The following KIAA1328 variants were observed in gnomAD, a reference collection of about 807,000 sequenced individuals.
KIAA1328 encodes the protein KIAA1328, also known as protein hinderin.
A neutral mutation model predicts 68.1 loss-of-function variants in KIAA1328; 52 were observed. The observed-to-expected ratio is 0.76, with a 90% CI of 0.61 to 0.96. The LOEUF is 0.96. Ranked by LOEUF, KIAA1328 falls within the 40% of genes least tolerant of loss-of-function variation. The pLI, the probability that KIAA1328 is intolerant of heterozygous loss-of-function variation, is 0.00. For missense variants in KIAA1328, 641 were observed against 677.6 expected, an observed-to-expected ratio of 0.95 and a Z score of 0.60; for synonymous variants, 232 against 239.4, an observed-to-expected ratio of 0.97 and a Z score of 0.28.
At chr18:37,119,817 C>G (rs556024399) in intron 7 of KIAA1328, among the ~76,000 whole-genome samples, 1 of 152,216 alleles carries the variant, frequency 6.6e-6, no homozygotes, top group South Asian at 2.1e-4. Flanking sequence ...CTACCTTTGT[C>G]TGCTGAGAGG....
At chr18:37,037,076 G>A (rs182009780) in intron 6 of KIAA1328, among the ~76,000 whole-genome samples, 1 of 152,194 alleles carries the variant, frequency 6.6e-6, no homozygotes, top group East Asian at 1.9e-4. Context: ...ATTTTCTGTT[G>A]TCTTTAGTAA....
chr18:37,225,674 TAAGAC>T (rs1455710380), downstream of KIAA1328, among the ~76,000 whole-genome samples: 1 of 152,212 alleles, frequency 6.6e-6, no homozygotes, highest in African/African-American at 2.4e-5. Context: ...CACAGCACTT[TAAGAC>T]AAGAAAAATG....
intron 5 of KIAA1328, among the ~76,000 whole-genome samples, chr18:36,891,999 T>A (rs1468513622): frequency 6.6e-6 from 1 of 152,264 alleles, no homozygotes; most frequent in Non-Finnish European, 1.5e-5. Flanking sequence ...AAGATTTTTA[T>A]ATGATTATGT....
Position 37,043,501 on chromosome 18 carries a change from A to G in KIAA1328, c.577-23389A>G, listed in dbSNP as rs539007702. Among the ~76,000 whole-genome samples, 89 of 152,150 alleles carry G rather than the reference A, an allele frequency of 5.8e-4. 2 individuals are homozygous for G. Among genetic ancestry groups the G allele is most frequent in the Middle Eastern group, 3.4e-3 (1 of 294 alleles). Reference sequence around the variant, plus strand: ...ATATGTCCACTGATGTCACTACTCAACCTTTTTTTTCTCTTAAGCCTAGCT... The same window carrying G: ...ATATGTCCACTGATGTCACTACTCAGCCTTTTTTTTCTCTTAAGCCTAGCT... On this transcript the variant is annotated intron_variant, in intron 6 of 9. Transcript: ENST00000280020.
chr18:36,845,850 A>G (rs1292995568), intron 4 of KIAA1328, among the ~76,000 whole-genome samples: 1 of 151,668 alleles, frequency 6.6e-6, no homozygotes, highest in Non-Finnish European at 1.5e-5. Context: ...TAGAAAAACA[A>G]TGTCATTTTG....
At chr18:37,015,727 T>A (rs141789049) in intron 6 of KIAA1328, among the ~76,000 whole-genome samples, 28 of 152,314 alleles carry the variant, frequency 1.8e-4, no homozygotes, top group African/African-American at 6.7e-4. Context: ...CTTGGCTAGA[T>A]GTATTCCTAG....
intron 6 of KIAA1328, among the ~76,000 whole-genome samples, chr18:37,018,992 CA>C (rs1298653873): frequency 5.3e-5 from 8 of 152,150 alleles, no homozygotes; most frequent in Non-Finnish European, 1.0e-4. Flanking sequence ...GGTATCATTA[CA>C]TTCAAATTTT....
intron 7 of KIAA1328, among the ~76,000 whole-genome samples, chr18:37,080,592 C>T (rs756301703): frequency 5.3e-5 from 8 of 151,908 alleles, no homozygotes; most frequent in Non-Finnish European, 8.8e-5. Context: ...CTGGCTAACA[C>T]GGTGATACCC....
intron 7 of KIAA1328, among the ~76,000 whole-genome samples, chr18:37,117,333 G>A (rs2058139571): frequency 6.6e-6 from 1 of 152,198 alleles, no homozygotes; most frequent in Non-Finnish European, 1.5e-5. Flanking sequence ...ATGAGTTCAT[G>A]TCATTTGTGG....
chr18:37,001,433 T>C (rs536019580), intron 6 of KIAA1328, among the ~76,000 whole-genome samples: 1 of 152,256 alleles, frequency 6.6e-6, no homozygotes, highest in South Asian at 2.1e-4. Flanking sequence ...AGCCAAATTA[T>C]ACCAACCATA....
At chr18:37,186,989 C>T (rs982653472) in intron 9 of KIAA1328, among the ~76,000 whole-genome samples, 1 of 152,140 alleles carries the variant, frequency 6.6e-6, no homozygotes, top group Non-Finnish European at 1.5e-5. Flanking sequence ...CTCTGGCCAA[C>T]ATGGCAAAAC....
intron 9 of KIAA1328, among the ~76,000 whole-genome samples, chr18:37,200,197 A>G (rs1301916494): frequency 6.6e-6 from 1 of 152,246 alleles, no homozygotes; most frequent in African/African-American, 2.4e-5. Context: ...CACACCTCCA[A>G]GTTGCCTTGG....
At chr18:37,172,696 C>A (rs935732973) in intron 8 of KIAA1328, among the ~76,000 whole-genome samples, 4 of 152,126 alleles carry the variant, frequency 2.6e-5, no homozygotes, top group Non-Finnish European at 4.4e-5. Context: ...CACAGTAAAC[C>A]AAGATCAGCA....
chr18:37,224,461 C>T lies in KIAA1328; in HGVS notation c.*2234C>T. 1.0e-6 allele frequency: 1 copy of T among 985,394 alleles called. No individual in the cohort carries two copies. Among genetic ancestry groups the T allele is most frequent in the African/African-American group, 1.7e-5 (1 of 57,330 alleles). 61.0% of individuals were successfully genotyped at this position (985,394 alleles called of 1,614,324 possible). On this transcript the variant is annotated 3_prime_UTR_variant, in exon 10 of 10. Transcript: ENST00000280020. ...ATTTTTCACATGCAAAACTCATCAC[C>T]AGTTGCCTTTTTCTAACTTAATGGA...
intron 7 of KIAA1328, among the ~76,000 whole-genome samples, chr18:37,154,401 G>T (rs996148122): frequency 2.0e-5 from 3 of 152,202 alleles, no homozygotes; most frequent in African/African-American, 7.2e-5. Context: ...AGAGAGAGGA[G>T]TGCCAGCATT....
rs564686373 is a variant in KIAA1328 at position 37,145,616 on chromosome 18, C to A, written c.1233-14584C>A. ...TCCTTCAGATTTATCAGTTTTATGACATGTATTTTGAAGCATTGTTCTAGA... is the reference window on the plus strand; with the variant it reads ...TCCTTCAGATTTATCAGTTTTATGAAATGTATTTTGAAGCATTGTTCTAGA... On this transcript the variant is annotated intron_variant, in intron 7 of 9. Transcript: ENST00000280020. Among the ~76,000 whole-genome samples the A allele has an allele frequency of 4.0e-3, 602 of 152,200 alleles. 4 individuals carry two copies. Among genetic ancestry groups the A allele is most frequent in the African/African-American group, 0.014 (571 of 41,534 alleles).
intron 3 of KIAA1328, among the ~76,000 whole-genome samples, chr18:36,837,175 T>A (rs182141580): frequency 1.8e-4 from 28 of 152,278 alleles, no homozygotes; most frequent in African/African-American, 6.5e-4. Context: ...AATTCCAAAC[T>A]GTTTTTTAAA....
At chr18:37,141,114 C>G (rs1193473678) in intron 7 of KIAA1328, among the ~76,000 whole-genome samples, 2 of 152,132 alleles carry the variant, frequency 1.3e-5, no homozygotes, top group Admixed American at 6.5e-5. Context: ...ATATAACTTG[C>G]ATTCAGTGAA....
chr18:36,944,452 G>C (rs1166849594), intron 5 of KIAA1328, among the ~76,000 whole-genome samples: 1 of 152,080 alleles, frequency 6.6e-6, no homozygotes, highest in Non-Finnish European at 1.5e-5. Flanking sequence ...GGTGGCGGGC[G>C]CCTCTGTTCC....
Sources: gnomAD v4.1 joint callset for allele counts (sites outside exome capture counted in the v4.1 genomes callset) on GRCh38, gnomAD v4.1.1 for gene constraint, MANE v1.5 for transcripts, NCBI Gene and HGNC (gene_info 2026-07-23, HGNC 2026-07-21) for gene names.